The following FAM3B variants were observed in gnomAD, a reference collection of about 807,000 sequenced individuals.
FAM3B encodes FAM3 metabolism regulating signaling molecule B.
FAM3B carries 29 observed loss-of-function variants against 28.4 expected under a neutral mutation model. The ratio of observed to expected loss-of-function variants is 1.02; its 90% CI spans 0.76 to 1.39. The LOEUF (loss-of-function observed/expected upper bound fraction) is 1.39. FAM3B is among the 40% of genes most tolerant of loss of function. FAM3B has a pLI of 0.00. For synonymous variants in FAM3B, 91 were observed against 103.0 expected (o/e 0.88, Z 0.71); for missense variants, 266 against 293.9 (o/e 0.91, Z 0.69).
intron 3 of FAM3B, 44 bp downstream of exon 3, chr21:41,338,545 T>C: frequency 1.2e-6 from 2 of 1,607,918 alleles, no homozygotes; most frequent in South Asian, 2.2e-5. Flanking sequence ...ATCCTACTGA[T>C]TCTTGCCCCT....
intron 1 of FAM3B, among the ~76,000 whole-genome samples, chr21:41,310,425 G>A (rs1175602909): frequency 6.6e-6 from 1 of 152,054 alleles, no homozygotes; most frequent in Non-Finnish European, 1.5e-5. Flanking sequence ...TCATTTTCTG[G>A]ATCTTTGCAC....
At chr21:41,355,677 G>A (rs2089158918) in intron 7 of FAM3B, among the ~76,000 whole-genome samples, 1 of 152,084 alleles carries the variant, frequency 6.6e-6, no homozygotes, top group African/African-American at 2.4e-5. Flanking sequence ...GCCTAGGGTT[G>A]GGGGAAAGGA....
chr21:41,350,363 G>A (rs1421006129), intron 7 of FAM3B, among the ~76,000 whole-genome samples: 1 of 152,204 alleles, frequency 6.6e-6, no homozygotes, highest in East Asian at 1.9e-4. Flanking sequence ...TGGCTGTGTG[G>A]TCTTGGAAAG....
intron 7 of FAM3B, among the ~76,000 whole-genome samples, chr21:41,352,239 G>A (rs1029827626): frequency 1.3e-5 from 2 of 152,138 alleles, no homozygotes; most frequent in Non-Finnish European, 2.9e-5. Flanking sequence ...TTCAGGTCTC[G>A]TCTTTATATT....
chr21:41,321,020 A>G (rs1460712289), intron 1 of FAM3B: 2 of 152,228 alleles, frequency 1.3e-5, no homozygotes, highest in Non-Finnish European at 2.9e-5. Context: ...GCTAAACAGC[A>G]GCTTGTTGCT....
At chr21:41,323,561 G>A (rs1038658158) in intron 2 of FAM3B, among the ~76,000 whole-genome samples, 1 of 152,196 alleles carries the variant, frequency 6.6e-6, no homozygotes, top group African/African-American at 2.4e-5. Flanking sequence ...TCTGTAGGGC[G>A]GCTGCTTTCT....
intron 7 of FAM3B, among the ~76,000 whole-genome samples, chr21:41,352,026 A>C (rs1277889433): frequency 2.0e-5 from 3 of 152,184 alleles, no homozygotes; most frequent in African/African-American, 7.2e-5. Flanking sequence ...TGTGACAAGC[A>C]TGATGCAGCA....
intron 5 of FAM3B, chr21:41,346,006 G>T: frequency 7.1e-5 from 14 of 196,560 alleles, no homozygotes; most frequent in Non-Finnish European, 7.8e-5. Flanking sequence ...ATAAGAAAGA[G>T]AAAAAGCCTT....
At chr21:41,327,743 C>T (rs1433598731) in intron 2 of FAM3B, among the ~76,000 whole-genome samples, 1 of 152,208 alleles carries the variant, frequency 6.6e-6, no homozygotes, top group Non-Finnish European at 1.5e-5. Context: ...GGCTTTACCA[C>T]AAAGTAAAAC....
intron 1 of FAM3B, among the ~76,000 whole-genome samples, chr21:41,311,333 A>T (rs1409947473): frequency 1.5e-5 from 2 of 135,528 alleles, no homozygotes; most frequent in African/African-American, 2.7e-5. Context: ...GTGGTGGCAC[A>T]CACCTGTGAT....
chr21:41,351,592 A>C (rs553364118), intron 7 of FAM3B, among the ~76,000 whole-genome samples: 2 of 152,264 alleles, frequency 1.3e-5, no homozygotes, highest in African/African-American at 2.4e-5. Context: ...TACTTTGGCT[A>C]TTCAGACTTG....
chr21:41,317,065 C>G (rs1033643122), intron 1 of FAM3B, among the ~76,000 whole-genome samples, 167 bp downstream of exon 1: 10 of 152,228 alleles, frequency 6.6e-5, no homozygotes, highest in Admixed American at 4.6e-4. Flanking sequence ...ATGCGGGAAG[C>G]GATTCCAGAG....
rs117960355 is a variant in FAM3B, at chr21:41,309,456, G to A, written n.99+5146G>A. ...CTTCCTGTCCTCCCATGCTGGCCAC[G>A]AGCATCATGATGATGCAGAAAACCC... On this transcript the variant is annotated intron_variant and non_coding_transcript_variant, in intron 1 of 9. Transcript: ENST00000479810. Among the ~76,000 whole-genome samples the A allele has an allele frequency of 4.6e-5, 7 of 152,224 alleles. No homozygotes were observed. In the South Asian group the frequency reaches 6.2e-4, roughly 14 times the overall value.
At chr21:41,354,645 C>T (rs951114884) in intron 7 of FAM3B, among the ~76,000 whole-genome samples, 4 of 152,074 alleles carry the variant, frequency 2.6e-5, no homozygotes, top group Admixed American at 2.6e-4. Context: ...TACATGGTCA[C>T]ATAGAGGGGA....
chr21:41,328,186 G>A (rs370671527), intron 2 of FAM3B, among the ~76,000 whole-genome samples: 2 of 152,282 alleles, frequency 1.3e-5, no homozygotes, highest in South Asian at 2.1e-4. Flanking sequence ...AAAGGGGAGC[G>A]CGGGCTCCAG....
chr21:41,333,132 T>C (rs1436644453), intron 2 of FAM3B, among the ~76,000 whole-genome samples: 2 of 87,340 alleles, frequency 2.3e-5, no homozygotes, highest in South Asian at 2.8e-4. Context: ...GTGTTTCTGG[T>C]TTTTTTTTTT....
At chr21:41,318,380 G>A (rs993272150) in intron 1 of FAM3B, among the ~76,000 whole-genome samples, 4 of 152,170 alleles carry the variant, frequency 2.6e-5, no homozygotes, top group African/African-American at 7.2e-5. Context: ...TTGAGCTGCC[G>A]CCATGCCTTC....
chr21:41,316,847 C>T lies in FAM3B; in HGVS notation c.-33C>T, dbSNP rs2088753596. Reference sequence around the variant, plus strand: ...CTGGCTGCGGTCGCCTGGGAGCTGCCGCCAGGGCCAGGAGGGGAGCGGCAC... The same window carrying T: ...CTGGCTGCGGTCGCCTGGGAGCTGCTGCCAGGGCCAGGAGGGGAGCGGCAC... On this transcript the variant is annotated 5_prime_UTR_variant, in exon 1 of 8. Transcript: ENST00000357985. 1.4e-6 allele frequency: 2 copies of T among 1,436,932 alleles called. No homozygotes were observed. Among genetic ancestry groups the T allele is most frequent in the Middle Eastern group, 2.3e-4 (1 of 4,348 alleles). The allele number at this position is 1,436,932 out of a possible 1,614,324, so 89.0% of individuals were successfully genotyped here.
intron 7 of FAM3B, among the ~76,000 whole-genome samples, chr21:41,352,865 A>G (rs956704685): frequency 1.3e-5 from 2 of 151,872 alleles, no homozygotes; most frequent in African/African-American, 2.4e-5. Flanking sequence ...AGGTGACATG[A>G]TTTTATGTAT....
Sources: gnomAD v4.1 joint callset for allele counts (sites outside exome capture counted in the v4.1 genomes callset) on GRCh38, gnomAD v4.1.1 for gene constraint, MANE v1.5 for transcripts, NCBI Gene and HGNC (gene_info 2026-07-23, HGNC 2026-07-21) for gene names.